IQGAP1: variants seen among roughly 807,000 people sequenced by gnomAD.
IQGAP1 encodes the protein ras GTPase-activating-like protein IQGAP1.
In IQGAP1, 66 loss-of-function variants were observed where a neutral mutation model predicts 215.6. The observed-to-expected ratio is 0.31, with a 90% CI of 0.25 to 0.38. The LOEUF (loss-of-function observed/expected upper bound fraction) is 0.38, where lower values mean the gene tolerates loss of function less well. Ranked by LOEUF, IQGAP1 falls within the 10% of genes least tolerant of loss-of-function variation. The pLI is 1.00. For synonymous variants in IQGAP1, 772 were observed against 728.7 expected, an observed-to-expected ratio of 1.06 and a Z score of -0.96; for missense variants, 1,712 against 1,997.1, an observed-to-expected ratio of 0.86 and a Z score of 2.72.
chr15:90,485,449 T>A (rs1334296413), intron 30 of IQGAP1, among the ~76,000 whole-genome samples: 1 of 152,186 alleles, frequency 6.6e-6, no homozygotes, highest in African/African-American at 2.4e-5. Flanking sequence ...TGTTTTGTTT[T>A]GTTTTTTTGA....
rs1228739951 is a variant in IQGAP1 at position 90,426,209 on chromosome 15, C to T, written c.255C>T (p.Phe85=). The stretch of plus-strand genomic sequence containing the variant: ...ACCTTGCCAAACTGGGGAACTTCTT[C>T]TCTCCCAAAGTAGTGTCCCTGAAAA... ...GVYLAKLGNF[F]SPKVVSLKKI... is the part of the protein sequence containing the mutation. Residue 85 remains phenylalanine, a synonymous_variant, in exon 3 of 38, where the codon TTC becomes TTT. Transcript: ENST00000268182. 6.2e-7 allele frequency: 1 copy of T among 1,603,868 alleles called. No homozygotes were observed.
At chr15:90,417,041 T>A (rs1965062440) in intron 2 of IQGAP1, among the ~76,000 whole-genome samples, 1 of 152,222 alleles carries the variant, frequency 6.6e-6, no homozygotes, top group Non-Finnish European at 1.5e-5. Context: ...ATCCTTCCCC[T>A]ACTTTGTGAT....
chr15:90,497,385 C>G, intron 37 of IQGAP1, 45 bp downstream of exon 37: 1 of 938,854 alleles, frequency 1.1e-6, no homozygotes, highest in Non-Finnish European at 1.7e-6. Flanking sequence ...GGATGAGATT[C>G]TTGTCCAAGT....
chr15:90,487,346 C>T (rs1260928613), intron 32 of IQGAP1, 149 bp from the exon 33 acceptor site: 8 of 667,566 alleles, frequency 1.2e-5, no homozygotes, highest in East Asian at 8.1e-5. Flanking sequence ...GGTAAATAAG[C>T]CTTGTGCCTT....
intron 2 of IQGAP1, among the ~76,000 whole-genome samples, chr15:90,403,014 T>A (rs764621855): frequency 1.3e-5 from 2 of 152,174 alleles, no homozygotes; most frequent in Admixed American, 6.5e-5. Flanking sequence ...TTCACACCAG[T>A]AATCCCAACA....
intron 14 of IQGAP1, among the ~76,000 whole-genome samples, chr15:90,455,210 T>C (rs756794865): frequency 2.6e-5 from 4 of 151,696 alleles, no homozygotes; most frequent in Non-Finnish European, 4.4e-5. Context: ...GTGTCCAGAG[T>C]TTTTATTTGG....
At position 90,484,377 on chromosome 15, in the gene IQGAP1, A is replaced by G. The variant is rs186065585; in HGVS notation, c.3921+25A>G. ...TGTAAGTATTTTTCTTTAATTACTT[A>G]ATTTCATTGTCCTTAATTATTATCC... On this transcript the variant is annotated intron_variant, in intron 30 of 37. Transcript: ENST00000268182. 1.7e-4 allele frequency: 264 copies of G among 1,583,666 alleles called. 1 individual carries two copies. In the African/African-American group the frequency reaches 3.2e-3, roughly 19 times the overall value.
rs1333903783 is a variant in IQGAP1 at position 90,452,871 on chromosome 15, A to T, written c.1259A>T (p.Gln420Leu). 1.2e-6 allele frequency: 2 copies of T among 1,614,132 alleles called. No homozygotes were observed. Among genetic ancestry groups the T allele is most frequent in the South Asian group, 1.1e-5 (1 of 91,078 alleles). Reference protein sequence around the residue: ...ELMNPEAQLPQVYPFAADLYQ... With the variant: ...ELMNPEAQLPLVYPFAADLYQ... ...ATGAATCCCGAAGCCCAGCTGCCCC[A>T]GGTGTATCCATTTGCCGCCGATCTC... is the stretch of plus-strand genomic sequence containing the variant. Residue 420 changes from glutamine (Q) to leucine (L), a missense_variant, in exon 12 of 38, where the codon CAG becomes CTG. By Grantham distance (113) the Gln-to-Leu change is moderately radical (BLOSUM62 -2). Around this residue, in one of 2 missense-constraint regions of IQGAP1, gnomAD observed 1,021 missense variants for 1,074.2 expected, o/e 0.95. Coordinates refer to ENST00000268182, the MANE Select transcript of IQGAP1 (RefSeq NM_003870.4).
At chr15:90,459,030 G>C (rs1441290717) in intron 15 of IQGAP1, among the ~76,000 whole-genome samples, 1 of 152,138 alleles carries the variant, frequency 6.6e-6, no homozygotes, top group Non-Finnish European at 1.5e-5. Context: ...TGTGCAAAAA[G>C]CTCCAATACA....
chr15:90,435,659 T>C (rs144324276), intron 5 of IQGAP1, among the ~76,000 whole-genome samples: 473 of 152,324 alleles, frequency 3.1e-3, no homozygotes, highest in Non-Finnish European at 5.7e-3. Context: ...GTGTAGCCAC[T>C]ACTCTGCAGT....
At chr15:90,454,839 T>C (rs7166058) in intron 14 of IQGAP1, among the ~76,000 whole-genome samples, 2,225 of 152,272 alleles carry the variant, frequency 0.015, 43 homozygotes, top group African/African-American at 0.05. Context: ...GGAATTAGGT[T>C]GAATTGCACA....
chr15:90,410,843 T>TAA (rs58903853), intron 2 of IQGAP1, among the ~76,000 whole-genome samples: 1 of 126,710 alleles, frequency 7.9e-6, no homozygotes, highest in South Asian at 2.4e-4. Context: ...TAAAGTATAA[T>TAA]AAAAAAAAAA....
At chr15:90,490,872 G>A (rs564277515) in intron 33 of IQGAP1, among the ~76,000 whole-genome samples, 1 of 152,114 alleles carries the variant, frequency 6.6e-6, no homozygotes. Context: ...GCAGTGGCGC[G>A]ATCTTGGCTC....
In IQGAP1 at chr15:90,452,809, C is replaced by A; in HGVS notation, c.1197C>A (p.Ile399=). 1 of 1,614,120 alleles carries A rather than the reference C, an allele frequency of 6.2e-7. No individual in the cohort carries two copies. Among genetic ancestry groups the A allele is most frequent in the Non-Finnish European group, 8.5e-7 (1 of 1,180,004 alleles). ...LAAVALINAA[I]QKGVAEKTVL... ...CAGTAGCACTGATTAATGCTGCAAT[C>A]CAGAAGGGTGTTGCTGAGAAGACTG... Residue 399 remains isoleucine (I), a synonymous_variant, in exon 12 of 38, where the codon ATC becomes ATA. Coordinates refer to ENST00000268182, the MANE Select transcript of IQGAP1 (RefSeq NM_003870.4).
At chr15:90,416,799 G>T (rs181157781) in intron 2 of IQGAP1, among the ~76,000 whole-genome samples, 34 of 152,154 alleles carry the variant, frequency 2.2e-4, no homozygotes, top group Admixed American at 3.3e-4. Context: ...GGATGGTCTC[G>T]ATCTCCTGAC....
chr15:90,462,819 G>A (rs1390461515), intron 15 of IQGAP1, among the ~76,000 whole-genome samples: 4 of 152,102 alleles, frequency 2.6e-5, no homozygotes, highest in South Asian at 4.2e-4. Flanking sequence ...TGCAATCAGC[G>A]TGTTTCTAAG....
chr15:90,441,707 T>G, intron 8 of IQGAP1, 23 bp downstream of exon 8: 1 of 1,508,210 alleles, frequency 6.6e-7, no homozygotes, highest in South Asian at 1.2e-5. Context: ...CATCTATTCT[T>G]TCTAATTAAT....
At chr15:90,426,365 T>A in intron 3 of IQGAP1, 99 bp downstream of exon 3, 4 of 1,333,950 alleles carry the variant, frequency 3.0e-6, no homozygotes, top group Non-Finnish European at 4.1e-6. Context: ...GTGTAAGGTG[T>A]GTTTGTTGCA....
At chr15:90,487,237 T>G (rs977836310) in intron 32 of IQGAP1, 148 bp downstream of exon 32, 11 of 777,454 alleles carry the variant, frequency 1.4e-5, no homozygotes, top group Non-Finnish European at 2.1e-5. Context: ...TCGCATATTG[T>G]ACTTGGTACA....
Sources: gnomAD v4.1 joint callset for allele counts (sites outside exome capture counted in the v4.1 genomes callset) on GRCh38, gnomAD v4.1.1 for gene constraint, gnomAD v4.1.1 regional missense constraint, MANE v1.5 for transcripts, NCBI Gene and HGNC (gene_info 2026-07-23, HGNC 2026-07-21) for gene names.